TENM3: variants seen among roughly 807,000 people sequenced by gnomAD.
The protein encoded by TENM3 is teneurin transmembrane protein 3.
In TENM3, 63 loss-of-function variants were observed where a neutral mutation model predicts 255.1. The observed-to-expected ratio is 0.25, with a 90% CI of 0.20 to 0.30. TENM3 has a LOEUF of 0.30. Among genes scored for constraint, TENM3 ranks in the 10% least tolerant of loss-of-function variants. The pLI is 1.00. For synonymous variants in TENM3, 1,306 were observed against 1,322.3 expected (o/e 0.99, Z 0.27); for missense variants, 2,929 against 3,461.1 (o/e 0.85, Z 3.86).
the TENM3 span, among the ~76,000 whole-genome samples, chr4:181,754,290 A>T: frequency 2.7e-5 from 4 of 149,438 alleles, no homozygotes; most frequent in Non-Finnish European, 4.5e-5. Context: ...CCAGTCACAC[A>T]CACACACACA....
chr4:181,905,305 A>G, the TENM3 span, among the ~76,000 whole-genome samples: 3 of 152,206 alleles, frequency 2.0e-5, no homozygotes, highest in Non-Finnish European at 4.4e-5. Flanking sequence ...TGTTTACAAC[A>G]TAGATACCAA....
At chr4:182,440,307 T>C (rs1429257014) in intron 3 of TENM3, among the ~76,000 whole-genome samples, 1 of 151,952 alleles carries the variant, frequency 6.6e-6, no homozygotes, top group Admixed American at 6.6e-5. Context: ...AGAGACGGGG[T>C]GTCACCATCT....
intron 3 of TENM3, among the ~76,000 whole-genome samples, chr4:182,598,389 G>T (rs1381487631): frequency 1.3e-5 from 2 of 152,148 alleles, no homozygotes; most frequent in African/African-American, 4.8e-5. Flanking sequence ...CAGACCATTG[G>T]CAAGAGCATG....
chr4:182,022,530 T>TA, the TENM3 span, among the ~76,000 whole-genome samples: 26,074 of 119,918 alleles, frequency 0.22, 2,523 homozygotes, highest in East Asian at 0.46. Flanking sequence ...ATCCCCTGAA[T>TA]AAAAAAAAAA....
chr4:181,981,140 A>T, the TENM3 span, among the ~76,000 whole-genome samples: 99 of 152,094 alleles, frequency 6.5e-4, no homozygotes, highest in African/African-American at 2.2e-3. Flanking sequence ...TGCCTGTCCA[A>T]TTCTTACCCA....
intron 1 of TENM3, among the ~76,000 whole-genome samples, chr4:182,314,279 C>A (rs968848283): frequency 6.6e-6 from 1 of 150,590 alleles, no homozygotes; most frequent in East Asian, 2.0e-4. Context: ...CCAGCCTGGG[C>A]GACAGAGCGA....
chr4:181,568,834 G>T, the TENM3 span, among the ~76,000 whole-genome samples: 1 of 152,098 alleles, frequency 6.6e-6, no homozygotes, highest in Non-Finnish European at 1.5e-5. Flanking sequence ...GACACAAAGG[G>T]CACACATAGG....
intron 3 of TENM3, among the ~76,000 whole-genome samples, chr4:182,501,153 T>TAA (rs1175981938): frequency 6.6e-6 from 1 of 152,186 alleles, no homozygotes; most frequent in Non-Finnish European, 1.5e-5. Context: ...ATCAAACAAA[T>TAA]ACTTGTCTTG....
chr4:181,828,066 C>T, the TENM3 span, among the ~76,000 whole-genome samples: 1 of 152,166 alleles, frequency 6.6e-6, no homozygotes, highest in Admixed American at 6.5e-5. Context: ...GAGGTTTCTT[C>T]CTTGACCCTT....
the TENM3 span, among the ~76,000 whole-genome samples, chr4:181,896,540 G>A: frequency 1.9e-3 from 295 of 152,302 alleles, 2 homozygotes; most frequent in East Asian, 1.9e-3. Flanking sequence ...GCTTTCCCCA[G>A]ATGCATCTCA....
At chr4:182,032,283 C>T in the TENM3 span, among the ~76,000 whole-genome samples, 25 of 152,220 alleles carry the variant, frequency 1.6e-4, no homozygotes, top group Admixed American at 1.6e-3. Flanking sequence ...TTATCAAAGG[C>T]TTTTTCTACA....
chr4:181,864,952 C>T, the TENM3 span, among the ~76,000 whole-genome samples: 20 of 152,290 alleles, frequency 1.3e-4, no homozygotes, highest in Middle Eastern at 3.4e-3. Context: ...CAGATAAAGG[C>T]TTGGTGACAC....
At chr4:182,272,988 G>A (rs926441718) in intron 1 of TENM3, among the ~76,000 whole-genome samples, 4 of 152,196 alleles carry the variant, frequency 2.6e-5, no homozygotes, top group Admixed American at 6.5e-5. Context: ...ATTTAAGTTT[G>A]TAAAAGACAG....
chr4:181,642,338 C>G, the TENM3 span, among the ~76,000 whole-genome samples: 1 of 151,768 alleles, frequency 6.6e-6, no homozygotes, highest in African/African-American at 2.4e-5. Context: ...TTCTTGTAAA[C>G]TTGTTTAAGT....
At chr4:181,946,009 T>G in the TENM3 span, among the ~76,000 whole-genome samples, 1 of 152,240 alleles carries the variant, frequency 6.6e-6, no homozygotes, top group Non-Finnish European at 1.5e-5. Context: ...TAACTTGGTC[T>G]CTTTTCCTAT....
chr4:182,293,619 G>A (rs959214061), intron 1 of TENM3, among the ~76,000 whole-genome samples: 1 of 152,138 alleles, frequency 6.6e-6, no homozygotes, highest in African/African-American at 2.4e-5. Context: ...CTGATTATCA[G>A]TGGTATTCTG....
At chr4:181,901,191 AT>A in the TENM3 span, among the ~76,000 whole-genome samples, 17 of 152,214 alleles carry the variant, frequency 1.1e-4, no homozygotes, top group Admixed American at 2.0e-4. Flanking sequence ...ACCAAAAAAA[AT>A]ATATGAGCCT....
At chr4:181,752,738 G>T in the TENM3 span, among the ~76,000 whole-genome samples, 1 of 151,604 alleles carries the variant, frequency 6.6e-6, no homozygotes, top group Admixed American at 6.6e-5. Flanking sequence ...TTATGAAAAA[G>T]TCAAGTCAGC....
At chr4:182,006,541 T>A in the TENM3 span, among the ~76,000 whole-genome samples, 1 of 152,156 alleles carries the variant, frequency 6.6e-6, no homozygotes, top group Non-Finnish European at 1.5e-5. Context: ...TCTCTGATGG[T>A]AGTTTGTATT....
Sources: allele counts gnomAD v4.1 joint callset (sites outside exome capture counted in the v4.1 genomes callset), GRCh38; gene constraint gnomAD v4.1.1; transcripts MANE v1.5; gene names NCBI Gene and HGNC (gene_info 2026-07-23, HGNC 2026-07-21).